MGAT4C: variants seen among roughly 807,000 people sequenced by gnomAD.
MGAT4C encodes the protein alpha-1,3-mannosyl-glycoprotein 4-beta-N-acetylglucosaminyltransferase C.
In MGAT4C, 19 loss-of-function variants were observed where a neutral mutation model predicts 40.1. The ratio of observed to expected loss-of-function variants is 0.47; its 90% CI spans 0.33 to 0.70. The LOEUF (loss-of-function observed/expected upper bound fraction) is 0.70. MGAT4C is among the 30% of genes least tolerant of loss of function. The pLI, the probability that MGAT4C is intolerant of heterozygous loss-of-function variation, is 0.02. For synonymous variants in MGAT4C, 181 were observed against 187.1 expected (o/e 0.97, Z 0.27); for missense variants, 491 against 563.2 (o/e 0.87, Z 1.30).
In MGAT4C at chr12:86,388,104, G is replaced by A. The variant is rs111482029; in HGVS notation, c.-120+47053C>T. On this transcript the variant is annotated intron_variant, in intron 3 of 7. Coordinates refer to the MGAT4C transcript ENST00000548651. The stretch of plus-strand genomic sequence containing the variant: ...AAGCCATCTATCTTAACTGATTCCT[G>A]CAAAGCCATTTTATAAATGCAGTAA... Among the ~76,000 whole-genome samples, 848 of 152,062 alleles carry A rather than the reference G, an allele frequency of 5.6e-3. 5 individuals are homozygous for A. Among genetic ancestry groups the A allele is most frequent in the African/African-American group, 0.02 (818 of 41,490 alleles).
At chr12:86,779,265 C>T (rs747278592) in intron 1 of MGAT4C, among the ~76,000 whole-genome samples, 5 of 151,868 alleles carry the variant, frequency 3.3e-5, no homozygotes, top group Admixed American at 6.6e-5. Context: ...AGGTTTTTCT[C>T]GAGAATTTTG....
chr12:86,537,975 T>G (rs1344577889), intron 2 of MGAT4C, among the ~76,000 whole-genome samples: 1 of 152,050 alleles, frequency 6.6e-6, no homozygotes, highest in Non-Finnish European at 1.5e-5. Context: ...TAATCCCAGC[T>G]ACTCGGGAGG....
At chr12:86,517,966 G>C (rs1958725827) in intron 2 of MGAT4C, among the ~76,000 whole-genome samples, 1 of 151,978 alleles carries the variant, frequency 6.6e-6, no homozygotes, top group Non-Finnish European at 1.5e-5. Flanking sequence ...GTTTTTTTAT[G>C]GTGGTGAGAC....
intron 4 of MGAT4C, among the ~76,000 whole-genome samples, chr12:86,301,141 G>C (rs1953800451): frequency 6.6e-6 from 1 of 152,062 alleles, no homozygotes; most frequent in Admixed American, 6.5e-5. Flanking sequence ...CACGCCCAGG[G>C]GCTCACTAAC....
At chr12:86,207,101 CCTTT>C (rs1950286704) in intron 1 of MGAT4C, among the ~76,000 whole-genome samples, 1 of 60,380 alleles carries the variant, frequency 1.7e-5, no homozygotes, top group African/African-American at 4.4e-5. Context: ...TATGTTGGAC[CCTTT>C]TTTTTCTTTT....
At chr12:86,429,656 T>A (rs1956995529) in intron 3 of MGAT4C, among the ~76,000 whole-genome samples, 1 of 152,204 alleles carries the variant, frequency 6.6e-6, no homozygotes, top group South Asian at 2.1e-4. Context: ...ATAGTAATAT[T>A]CACCCTCTTT....
rs1465168151 is a variant in MGAT4C, at chr12:85,957,622, CAG to C, written c.*21665_*21666del. On this transcript the variant is annotated 3_prime_UTR_variant, in exon 5 of 5. Coordinates refer to ENST00000611864, the MANE Select transcript of MGAT4C (RefSeq NM_001351288.2). ...AGCTCTGTTATGTCAAATAAAACCA[CAG>C]ATTTTCTTTTACTGTAGAGTTGAAT... 9.2e-6 allele frequency: 1 copy of C among 108,786 alleles called. No individual in the cohort carries two copies. The highest frequency in any genetic ancestry group is 2.5e-4 in the East Asian group (1 of 3,972). The allele number at this position is 108,786 out of a possible 1,614,324, so 6.7% of individuals were successfully genotyped here. A position where few individuals can be genotyped will look rare whatever the true frequency, so the allele number is the denominator to read the frequency against.
intron 3 of MGAT4C, among the ~76,000 whole-genome samples, chr12:86,389,441 A>T (rs1055952105): frequency 5.3e-5 from 8 of 152,032 alleles, no homozygotes; most frequent in African/African-American, 1.9e-4. Flanking sequence ...ATTCATTCTA[A>T]CATTGATGGG....
chr12:86,747,368 T>C (rs539102766), intron 1 of MGAT4C, among the ~76,000 whole-genome samples: 3 of 151,714 alleles, frequency 2.0e-5, no homozygotes, highest in African/African-American at 7.2e-5. Context: ...TAGGCGTGTA[T>C]TTCAAAACAA....
At chr12:86,826,989 G>A (rs1001626177) in intron 1 of MGAT4C, among the ~76,000 whole-genome samples, 6 of 151,276 alleles carry the variant, frequency 4.0e-5, no homozygotes, top group Admixed American at 2.6e-4. Flanking sequence ...TAACATAACA[G>A]AAATAACATG....
chr12:86,487,792 T>C (rs541764587), intron 2 of MGAT4C, among the ~76,000 whole-genome samples: 49 of 152,338 alleles, frequency 3.2e-4, no homozygotes, highest in Non-Finnish European at 5.9e-4. Context: ...CTTACTTTAG[T>C]TGTTAAATTT....
chr12:86,487,830 G>T (rs1270685593), intron 2 of MGAT4C, among the ~76,000 whole-genome samples: 1 of 152,046 alleles, frequency 6.6e-6, no homozygotes, highest in Non-Finnish European at 1.5e-5. Context: ...TGACATAAAT[G>T]TTAAAAGTTT....
At chr12:86,365,135 T>C (rs1955563847) in intron 3 of MGAT4C, among the ~76,000 whole-genome samples, 1 of 152,120 alleles carries the variant, frequency 6.6e-6, no homozygotes, top group Admixed American at 6.5e-5. Flanking sequence ...AGGTCCACCC[T>C]CAGGGATGCA....
intron 1 of MGAT4C, among the ~76,000 whole-genome samples, chr12:86,184,210 C>T (rs1192952705): frequency 2.0e-5 from 3 of 151,746 alleles, no homozygotes; most frequent in African/African-American, 7.3e-5. Flanking sequence ...TTTTTGGTCT[C>T]TACTAAAAAT....
chr12:86,112,279 G>A (rs982455887), intron 1 of MGAT4C, among the ~76,000 whole-genome samples: 1 of 151,400 alleles, frequency 6.6e-6, no homozygotes, highest in African/African-American at 2.4e-5. Flanking sequence ...ATGTAATCTC[G>A]CCTCTCTCTT....
At chr12:86,344,462 C>T (rs774189617) in intron 3 of MGAT4C, among the ~76,000 whole-genome samples, 2 of 152,058 alleles carry the variant, frequency 1.3e-5, no homozygotes, top group African/African-American at 2.4e-5. Context: ...CATGAACTGA[C>T]TTCTGAAAAA....
chr12:86,554,936 G>A (rs1959537528), intron 2 of MGAT4C, among the ~76,000 whole-genome samples: 1 of 152,046 alleles, frequency 6.6e-6, no homozygotes, highest in Non-Finnish European at 1.5e-5. Context: ...TGCTTCTGGA[G>A]GTAACCCGAA....
intron 2 of MGAT4C, among the ~76,000 whole-genome samples, chr12:86,508,588 T>A (rs1399655278): frequency 2.6e-5 from 4 of 152,036 alleles, no homozygotes; most frequent in South Asian, 2.1e-4. Flanking sequence ...ATGGGATGGC[T>A]GGGTCAAATG....
At chr12:86,552,820 C>T (rs1324148706) in intron 2 of MGAT4C, among the ~76,000 whole-genome samples, 1 of 152,032 alleles carries the variant, frequency 6.6e-6, no homozygotes, top group Non-Finnish European at 1.5e-5. Flanking sequence ...ATAACTATAT[C>T]TCTCAATTTT....
Sources: allele counts gnomAD v4.1 joint callset (sites outside exome capture counted in the v4.1 genomes callset), GRCh38; gene constraint gnomAD v4.1.1; transcripts MANE v1.5; gene names NCBI Gene and HGNC (gene_info 2026-07-23, HGNC 2026-07-21).